The following ELAVL4 variants were observed in gnomAD, a reference collection of about 807,000 sequenced individuals.
The protein encoded by ELAVL4 is ELAV-like protein 4.
Under a neutral mutation model 35.6 loss-of-function variants are expected in ELAVL4, and 1 was observed. The observed-to-expected ratio is 0.03, with a 90% CI of 0.01 to 0.13. The LOEUF (loss-of-function observed/expected upper bound fraction) is 0.13. Among genes scored for constraint, ELAVL4 ranks in the 10% least tolerant of loss-of-function variants. The pLI, the probability that ELAVL4 is intolerant of heterozygous loss-of-function variation, is 1.00. For synonymous variants in ELAVL4, 156 were observed against 171.0 expected (o/e 0.91, Z 0.69); for missense variants, 267 against 464.9 (o/e 0.57, Z 3.91).
At chr1:50,164,135 C>T (rs1314949158) in intron 2 of ELAVL4, among the ~76,000 whole-genome samples, 1 of 152,032 alleles carries the variant, frequency 6.6e-6, no homozygotes, top group Admixed American at 6.5e-5. Flanking sequence ...AATGCGTGCT[C>T]AAAAAATATT....
chr1:50,084,497 C>A (rs1002604563), intron 1 of ELAVL4, among the ~76,000 whole-genome samples: 1 of 152,106 alleles, frequency 6.6e-6, no homozygotes, highest in Non-Finnish European at 1.5e-5. Flanking sequence ...ACAGTTTTGA[C>A]CCTCCCATTT....
intron 4 of ELAVL4, among the ~76,000 whole-genome samples, chr1:50,194,435 TAAAG>T (rs1453096833): frequency 6.6e-6 from 1 of 152,174 alleles, no homozygotes; most frequent in East Asian, 1.9e-4. Flanking sequence ...TTGTCCATAA[TAAAG>T]AAAGGCAGCC....
chr1:50,201,365 G>A lies in ELAVL4; in HGVS notation c.*187G>A, dbSNP rs1041514986. 4 of 534,930 alleles carry A rather than the reference G, an allele frequency of 7.5e-6. No individual in the cohort carries two copies. Among genetic ancestry groups the A allele is most frequent in the Non-Finnish European group, 1.1e-5 (4 of 356,716 alleles). 33.1% of individuals were successfully genotyped at this position (534,930 alleles called of 1,614,324 possible). A position where few individuals can be genotyped will look rare whatever the true frequency, so the allele number is the denominator to read the frequency against. ...GATTATCCTGAGGTGTACCAGGAAA[G>A]GATTTTATAATGCTTAGAAAAAAAG... On this transcript the variant is annotated 3_prime_UTR_variant, in exon 7 of 7. Coordinates refer to ENST00000371824, the MANE Select transcript of ELAVL4 (RefSeq NM_001144774.3). The surrounding 1 kb of genome is among the most constrained non-coding windows in gnomAD (Gnocchi z 4.3).
chr1:50,175,387 TACACAC>T (rs68082703), intron 2 of ELAVL4: 19,047 of 142,894 alleles, frequency 0.13, 1,498 homozygotes, highest in South Asian at 0.23. Context: ...CCACCACACG[TACACAC>T]ACACACACAC....
intron 1 of ELAVL4, among the ~76,000 whole-genome samples, chr1:50,139,149 T>C (rs1051342782): frequency 6.6e-6 from 1 of 152,194 alleles, no homozygotes; most frequent in East Asian, 1.9e-4. Context: ...TAGTACTTTA[T>C]TGGCTTGTAC....
In ELAVL4 at chr1:50,050,720, AT is replaced by A. The variant is rs534475490; in HGVS notation, c.18+2540del. Among the ~76,000 whole-genome samples the A allele has an allele frequency of 1.6e-4, 25 of 152,272 alleles. 2 individuals are homozygous for A. In the South Asian group the frequency reaches 5.2e-3, roughly 32 times the overall value. ...AGTTTTCATTAGTAGCTTAAAAAAA[AT>A]TGAAATGTTTTATTTGAGCAGTACT... is the stretch of plus-strand genomic sequence containing the variant. On this transcript the variant is annotated intron_variant, in intron 1 of 6. Coordinates refer to the ELAVL4 transcript ENST00000448907.
At chr1:50,163,311 C>T (rs1340600693) in intron 2 of ELAVL4, among the ~76,000 whole-genome samples, 2 of 152,176 alleles carry the variant, frequency 1.3e-5, no homozygotes, top group Non-Finnish European at 2.9e-5. Context: ...GACTTTTCTA[C>T]TAGATCATGA....
intron 1 of ELAVL4, among the ~76,000 whole-genome samples, chr1:50,095,181 G>A (rs1040658798): frequency 3.5e-4 from 53 of 152,048 alleles, no homozygotes; most frequent in African/African-American, 1.2e-3. Flanking sequence ...GCTAGTTTAC[G>A]GCAGCATTGG....
intron 1 of ELAVL4, among the ~76,000 whole-genome samples, chr1:50,126,425 A>T (rs545458688): frequency 6.6e-6 from 1 of 152,100 alleles, no homozygotes; most frequent in East Asian, 1.9e-4. Flanking sequence ...TAGAGTATTT[A>T]CTTTTTAGTG....
chr1:50,160,734 G>A (rs1257762809), intron 2 of ELAVL4, among the ~76,000 whole-genome samples: 1 of 152,188 alleles, frequency 6.6e-6, no homozygotes, highest in South Asian at 2.1e-4. Context: ...CCTTGAGTGA[G>A]AGCCATAAAT....
intron 2 of ELAVL4, among the ~76,000 whole-genome samples, chr1:50,164,356 A>G (rs1677355969): frequency 6.6e-6 from 1 of 152,150 alleles, no homozygotes; most frequent in Admixed American, 6.5e-5. Flanking sequence ...AAGGCAGCCC[A>G]CCCCTTAAAA....
chr1:50,175,679 C>G (rs781695784), intron 2 of ELAVL4: 4 of 152,190 alleles, frequency 2.6e-5, no homozygotes, highest in Non-Finnish European at 5.9e-5. Flanking sequence ...CTCTTTGCTC[C>G]ATCCTATAAC....
chr1:50,199,287 CTTAT>C (rs1644256992), intron 6 of ELAVL4, among the ~76,000 whole-genome samples: 3 of 152,160 alleles, frequency 2.0e-5, no homozygotes, highest in Admixed American at 1.3e-4. Context: ...AGAATATTTG[CTTAT>C]TTTTAAAAAC....
intron 1 of ELAVL4, among the ~76,000 whole-genome samples, chr1:50,080,504 A>G (rs1399513030): frequency 6.6e-6 from 1 of 152,128 alleles, no homozygotes; most frequent in Non-Finnish European, 1.5e-5. Flanking sequence ...GATTTCTCTC[A>G]AATATATATG....
chr1:50,049,417 T>C (rs78670218), intron 1 of ELAVL4, among the ~76,000 whole-genome samples: 3 of 152,172 alleles, frequency 2.0e-5, no homozygotes, highest in Admixed American at 6.5e-5. Context: ...ATGAGGGAAG[T>C]AGTCTGTGTG....
At chr1:50,177,232 G>A in intron 3 of ELAVL4, 40 bp downstream of exon 3, 3 of 1,492,950 alleles carry the variant, frequency 2.0e-6, no homozygotes, top group Non-Finnish European at 1.9e-6. Flanking sequence ...AGGAGGCTCT[G>A]GTTAAATTTC....
intron 2 of ELAVL4, among the ~76,000 whole-genome samples, chr1:50,171,518 A>G (rs945502134): frequency 2.0e-5 from 3 of 152,232 alleles, no homozygotes; most frequent in African/African-American, 7.2e-5. Context: ...GGTAACATTA[A>G]TAAGCCACTT....
chr1:50,156,191 G>A (rs753368597), intron 2 of ELAVL4, among the ~76,000 whole-genome samples: 1 of 152,190 alleles, frequency 6.6e-6, no homozygotes, highest in Non-Finnish European at 1.5e-5. Context: ...TGAAAGTCCT[G>A]CCTTGCCTTC....
intron 1 of ELAVL4, among the ~76,000 whole-genome samples, chr1:50,130,594 CTGAG>C (rs1670683917): frequency 1.3e-5 from 2 of 152,128 alleles, no homozygotes; most frequent in Admixed American, 6.6e-5. Context: ...TTTCCCTTTA[CTGAG>C]TGTTTGTCAT....
Sources: gnomAD v4.1 joint callset for allele counts (sites outside exome capture counted in the v4.1 genomes callset) on GRCh38, gnomAD v4.1.1 for gene constraint, Gnocchi (gnomAD v3.1) non-coding constraint, MANE v1.5 for transcripts, NCBI Gene and HGNC (gene_info 2026-07-23, HGNC 2026-07-21) for gene names.